The following EML6 variants were observed in gnomAD, a reference collection of about 807,000 sequenced individuals.
EML6 encodes EMAP like 6, also known as echinoderm microtubule-associated protein-like 6.
A neutral mutation model predicts 240.1 loss-of-function variants in EML6; 154 were observed. That is an observed-to-expected ratio of 0.64 (90% CI 0.56 to 0.73). The LOEUF (loss-of-function observed/expected upper bound fraction) is 0.73. Among genes scored for constraint, EML6 ranks in the 30% least tolerant of loss-of-function variants. EML6 has a pLI of 0.00. For missense variants in EML6, 2,964 were observed against 2,474.6 expected (o/e 1.20, Z -4.20); for synonymous variants, 1,148 against 899.0 (o/e 1.28, Z -4.95).
rs200476039 is a variant in EML6 at position 54,760,822 on chromosome 2, ATTTTTTTTTTTTTT to A, written c.197+35574_197+35587del. Reference sequence around the variant, plus strand: ...CCCATTGCTTTGAAGTTGAGGGAGCATTTTTTTTTTTTTTTTTTTTTTTACTAGAAAAAGAATCT... The same window carrying A: ...CCCATTGCTTTGAAGTTGAGGGAGCATTTTTTTTTACTAGAAAAAGAATCT... On this transcript the variant is annotated intron_variant, in intron 2 of 41. Transcript: ENST00000356458. Among the ~76,000 whole-genome samples, 272 of 120,406 alleles carry A rather than the reference ATTTTTTTTTTTTTT, an allele frequency of 2.3e-3. 2 individuals carry two copies. Among genetic ancestry groups the A allele is most frequent in the Admixed American group, 2.8e-3 (33 of 11,768 alleles). 79.0% of individuals were successfully genotyped at this position (120,406 alleles called of 152,430 possible).
chr2:54,864,195 G>C (rs1393833716), intron 13 of EML6, among the ~76,000 whole-genome samples: 4 of 152,134 alleles, frequency 2.6e-5, no homozygotes, highest in African/African-American at 9.7e-5. Flanking sequence ...GTGCAAGTAA[G>C]CCATAGGTCT....
intron 17 of EML6, among the ~76,000 whole-genome samples, chr2:54,885,706 G>A (rs1270449627): frequency 6.6e-6 from 1 of 152,042 alleles, no homozygotes; most frequent in Admixed American, 6.5e-5. Flanking sequence ...CCACCTCCCA[G>A]GTTCACGCCA....
At chr2:54,865,659 A>G (rs6545451) in intron 13 of EML6, among the ~76,000 whole-genome samples, 56,315 of 152,070 alleles carry the variant, frequency 0.37, 10,888 homozygotes, top group Non-Finnish European at 0.42. Flanking sequence ...TCAACCAGTA[A>G]GTATAATGCA....
intron 31 of EML6, among the ~76,000 whole-genome samples, chr2:54,953,450 C>T (rs1403766746): frequency 1.3e-5 from 2 of 152,152 alleles, no homozygotes; most frequent in African/African-American, 4.8e-5. Context: ...GTATAAAATC[C>T]TCTGCAAGTG....
chr2:54,876,992 T>TC (rs1358220290), intron 16 of EML6, among the ~76,000 whole-genome samples: 1 of 152,062 alleles, frequency 6.6e-6, no homozygotes, highest in East Asian at 1.9e-4. Context: ...AAAATTTTTT[T>TC]TTTTTTTTGA....
intron 7 of EML6, among the ~76,000 whole-genome samples, chr2:54,838,591 G>A (rs1293588345): frequency 6.6e-6 from 1 of 152,216 alleles, no homozygotes; most frequent in Non-Finnish European, 1.5e-5. Flanking sequence ...CCCATGGCCA[G>A]GCTTCAGGAC....
intron 38 of EML6, among the ~76,000 whole-genome samples, chr2:54,965,368 C>T (rs377024209): frequency 6.6e-6 from 1 of 152,216 alleles, no homozygotes; most frequent in Non-Finnish European, 1.5e-5. Flanking sequence ...CTATGCTAGA[C>T]TTTTAGATGG....
chr2:54,964,096 G>A lies in EML6; in HGVS notation c.5268G>A (p.Leu1756=), dbSNP rs1573227496. ...AGAATGGAGAGTTTGTCATCTTGTTGGTGAACAGCCTGAAAGTTTGGGGGA... is the reference window on the plus strand; with the variant it reads ...AGAATGGAGAGTTTGTCATCTTGTTAGTGAACAGCCTGAAAGTTTGGGGGA... The part of the protein sequence containing the change: ...GMKNGEFVIL[L]VNSLKVWGKK... Residue 1756 remains leucine (L), a synonymous_variant, in exon 37 of 42, where the codon TTG becomes TTA. Coordinates refer to ENST00000356458, the MANE Select transcript of EML6 (RefSeq NM_001039753.4). 1.3e-6 allele frequency: 2 copies of A among 1,551,722 alleles called. No homozygotes were observed.
chr2:54,847,499 G>C lies in EML6; in HGVS notation c.1063G>C (p.Ala355Pro). The C allele has an allele frequency of 1.9e-6, 3 of 1,551,590 alleles. No individual in the cohort carries two copies. Among genetic ancestry groups the C allele is most frequent in the South Asian group, 1.2e-5 (1 of 84,054 alleles). The change falls in exon 9 of 42, where the codon GCT (alanine) becomes CCT (proline). Residue 355 changes from alanine to proline, a missense_variant. By Grantham distance (27) the Ala-to-Pro change is conservative (BLOSUM62 -1). Transcript: ENST00000356458. ...DDRSVRLWSL[A>P]DHALIARCNM... is the part of the protein sequence containing the mutation. ...TCTTGTGCCTAGGCTGTGGAGCCTG[G>C]CTGATCATGCCTTGATCGCCCGCTG...
chr2:54,804,554 C>T (rs566499048), intron 2 of EML6, among the ~76,000 whole-genome samples: 1 of 152,196 alleles, frequency 6.6e-6, no homozygotes, highest in African/African-American at 2.4e-5. Context: ...ATCAGACAAC[C>T]CTGCCCACTT....
At chr2:54,865,441 G>A (rs1573028570) in intron 13 of EML6, among the ~76,000 whole-genome samples, 1 of 152,146 alleles carries the variant, frequency 6.6e-6, no homozygotes, top group South Asian at 2.1e-4. Context: ...TCCAGTCTGG[G>A]CAACAGAGCA....
intron 2 of EML6, among the ~76,000 whole-genome samples, chr2:54,759,847 G>A (rs1001818616): frequency 2.0e-5 from 3 of 151,138 alleles, no homozygotes; most frequent in Admixed American, 1.3e-4. Context: ...GTAATTAATA[G>A]TTGAGGAAAC....
intron 26 of EML6, among the ~76,000 whole-genome samples, chr2:54,922,128 G>C (rs1012595271): frequency 1.3e-5 from 2 of 152,098 alleles, no homozygotes; most frequent in African/African-American, 4.8e-5. Flanking sequence ...TGAAAAGGCA[G>C]CCTATCAAAT....
intron 1 of EML6, 147 bp downstream of exon 1, chr2:54,723,924 CGT>C (rs1682794524): frequency 6.6e-6 from 1 of 152,430 alleles, no homozygotes; most frequent in Non-Finnish European, 1.5e-5. Context: ...ACCCCCGGGA[CGT>C]GTGCGTCTGT....
At chr2:54,874,401 C>G (rs1274773162) in intron 16 of EML6, among the ~76,000 whole-genome samples, 1 of 152,190 alleles carries the variant, frequency 6.6e-6, no homozygotes, top group Non-Finnish European at 1.5e-5. Context: ...ATCTTGGGCA[C>G]ATAAATTCCC....
chr2:54,777,908 A>C (rs1013657094), intron 2 of EML6, among the ~76,000 whole-genome samples: 2 of 152,216 alleles, frequency 1.3e-5, no homozygotes, highest in African/African-American at 4.8e-5. Context: ...AATTTAATAA[A>C]ATTTTTGGGG....
At chr2:54,821,739 C>T (rs1025929717) in intron 5 of EML6, among the ~76,000 whole-genome samples, 2 of 151,988 alleles carry the variant, frequency 1.3e-5, no homozygotes, top group Non-Finnish European at 1.5e-5. Context: ...AGTATAATAG[C>T]ATCTCTAACT....
At chr2:54,778,899 A>AAAAAAAAAT (rs1668720321) in intron 2 of EML6, among the ~76,000 whole-genome samples, 1 of 149,776 alleles carries the variant, frequency 6.7e-6, no homozygotes, top group Non-Finnish European at 1.5e-5. Context: ...CTCAAAAAAA[A>AAAAAAAAAT]AAAAGAAAGA....
At chr2:54,928,085 A>G (rs1674652301) in intron 26 of EML6, among the ~76,000 whole-genome samples, 1 of 152,208 alleles carries the variant, frequency 6.6e-6, no homozygotes, top group Admixed American at 6.5e-5. Flanking sequence ...GTAGTCTAAC[A>G]TTTCATTCAT....
Sources: gnomAD v4.1 joint callset for allele counts (sites outside exome capture counted in the v4.1 genomes callset) on GRCh38, gnomAD v4.1.1 for gene constraint, MANE v1.5 for transcripts, NCBI Gene and HGNC (gene_info 2026-07-23, HGNC 2026-07-21) for gene names.